MYH11: variants seen among roughly 807,000 people sequenced by gnomAD.
The protein encoded by MYH11 is myosin-11.
A neutral mutation model predicts 246.6 loss-of-function variants in MYH11; 80 were observed. That is an observed-to-expected ratio of 0.32 (90% CI 0.27 to 0.39). MYH11 has a LOEUF of 0.39. Ranked by LOEUF, MYH11 falls within the 10% of genes least tolerant of loss-of-function variation. The pLI is 1.00. For missense variants in MYH11, 2,158 were observed against 2,546.8 expected (o/e 0.85, Z 3.29); for synonymous variants, 1,071 against 1,015.5 (o/e 1.05, Z -1.04).
intron 33 of MYH11, 132 bp from the exon 34 acceptor site, chr16:15,720,444 C>T: frequency 1.6e-6 from 2 of 1,277,846 alleles, no homozygotes; most frequent in Non-Finnish European, 2.2e-6. Flanking sequence ...TCCCCAGTTG[C>T]AGATGAGAAA....
intron 20 of MYH11, among the ~76,000 whole-genome samples, chr16:15,743,699 CA>C (rs1344883973): frequency 8.5e-5 from 13 of 152,160 alleles, no homozygotes; most frequent in African/African-American, 2.9e-4. Flanking sequence ...GTTTACTCCC[CA>C]CCAATTCGGC....
chr16:15,737,466 C>T lies in MYH11; in HGVS notation c.3276G>A (p.Leu1092=), dbSNP rs756933550. The part of the protein sequence containing the change: ...KMQLAKKEEE[L]QAALARLDDE... ...CCCGCTACCTGGCCAGGGCCGCCTGCAGCTCCTCCTCCTTCTTGGCCAGCT... is the reference window on the plus strand; with the variant it reads ...CCCGCTACCTGGCCAGGGCCGCCTGTAGCTCCTCCTCCTTCTTGGCCAGCT... The change falls in exon 25 of 41, where the codon CTG becomes CTA. Residue 1092 remains leucine, a synonymous_variant. Transcript: ENST00000300036. The T allele has an allele frequency of 8.7e-6, 14 of 1,613,106 alleles. No individual in the cohort carries two copies. Among genetic ancestry groups the T allele is most frequent in the Admixed American group, 1.7e-5 (1 of 60,006 alleles).
At chr16:15,833,585 T>C (rs2043811943) in intron 2 of MYH11, among the ~76,000 whole-genome samples, 1 of 152,110 alleles carries the variant, frequency 6.6e-6, no homozygotes, top group Non-Finnish European at 1.5e-5. Flanking sequence ...AGAACCTGCA[T>C]CTCTAAGATT....
rs373635887 is a variant in MYH11 at position 15,737,720 on chromosome 16, A to T, written c.3122-100T>A. On this transcript the variant is annotated intron_variant, in intron 24 of 40. Coordinates refer to ENST00000300036, the MANE Select transcript of MYH11 (RefSeq NM_002474.3). ...CATTTTACCCGGAGGAGATGAACACATCCCCCAATCAGTAACCATCATAGT... is the reference window on the plus strand; with the variant it reads ...CATTTTACCCGGAGGAGATGAACACTTCCCCCAATCAGTAACCATCATAGT... The T allele has an allele frequency of 2.3e-5, 29 of 1,270,222 alleles. 1 individual carries two copies. The Admixed American group carries it at 2.5e-4, about 11-fold the overall frequency. The allele number at this position is 1,270,222 out of a possible 1,614,324, so 78.7% of individuals were successfully genotyped here. A position where few individuals can be genotyped will look rare whatever the true frequency, so the allele number is the denominator to read the frequency against.
At chr16:15,789,387 A>C (rs2151310640) in intron 4 of MYH11, among the ~76,000 whole-genome samples, 1 of 152,252 alleles carries the variant, frequency 6.6e-6, no homozygotes, top group Non-Finnish European at 1.5e-5. Context: ...CTAATGAGAG[A>C]GTTATTAATT....
rs1453204042 is a variant in MYH11 at position 15,777,094 on chromosome 16, C to CATGCAGACAT, written c.791-919_791-918insATGTCTGCAT. ...TTCTCATGGTGTACATGGGTATACA[C>CATGCAGACAT]ACGCACACATACACACACACACACA... On this transcript the variant is annotated intron_variant, in intron 7 of 40. Transcript: ENST00000300036. Among the ~76,000 whole-genome samples, 661 of 137,886 alleles carry CATGCAGACAT rather than the reference C, an allele frequency of 4.8e-3. 3 individuals carry two copies. Among genetic ancestry groups the CATGCAGACAT allele is most frequent in the African/African-American group, 0.018 (622 of 35,490 alleles). 90.5% of individuals were successfully genotyped at this position (137,886 alleles called of 152,430 possible).
chr16:15,755,192 G>T (rs1309172903), intron 14 of MYH11, among the ~76,000 whole-genome samples: 1 of 152,194 alleles, frequency 6.6e-6, no homozygotes, highest in Non-Finnish European at 1.5e-5. Flanking sequence ...GGAGTCAATA[G>T]AATACTACAA....
intron 15 of MYH11, among the ~76,000 whole-genome samples, chr16:15,752,796 T>C (rs1316743100): frequency 2.6e-5 from 4 of 152,186 alleles, no homozygotes; most frequent in African/African-American, 9.6e-5. Flanking sequence ...GGAAAATCAC[T>C]GGAACCCAGA....
intron 10 of MYH11, 55 bp downstream of exon 10, chr16:15,763,741 T>TCGGGCCCCCC: frequency 1.4e-5 from 9 of 646,838 alleles, no homozygotes; most frequent in African/African-American, 2.1e-5. Flanking sequence ...AAATGTCACC[T>TCGGGCCCCCC]CCCCCACCCC....
chr16:15,824,919 G>A (rs111797408), intron 2 of MYH11, among the ~76,000 whole-genome samples: 306 of 152,278 alleles, frequency 2.0e-3, no homozygotes, highest in African/African-American at 7.0e-3. Flanking sequence ...GAGGCATGGT[G>A]AGGTTGTCAC....
At chr16:15,760,763 T>C (rs1334409058) in intron 10 of MYH11, 105 bp from the exon 11 acceptor site, 5 of 867,330 alleles carry the variant, frequency 5.8e-6, no homozygotes, top group Non-Finnish European at 1.0e-5. Context: ...GCGGGTTCTC[T>C]TGGGGAAATG....
chr16:15,760,548 T>G lies in MYH11; in HGVS notation c.1240A>C (p.Lys414Gln). 6.2e-7 allele frequency: 1 copy of G among 1,608,572 alleles called. No homozygotes were observed. The highest frequency in any genetic ancestry group is 2.2e-5 in the East Asian group (1 of 44,848). Residue 414 changes from lysine (K) to glutamine (Q), a missense_variant, in exon 11 of 41, where the codon AAA becomes CAA. Lys to Gln is a moderately conservative substitution (Grantham distance 53, BLOSUM62 1). Transcript: ENST00000300036. Reference sequence around the variant, plus strand: ...GATAAGTACATCATTACCTGTTCTTTTGTCTGAGCTTTCTGTACCACATCT... The same window carrying G: ...GATAAGTACATCATTACCTGTTCTTGTGTCTGAGCTTTCTGTACCACATCT... ...GRDVVQKAQT[K>Q]EQADFAVEAL... is the part of the protein sequence containing the mutation.
intron 3 of MYH11, among the ~76,000 whole-genome samples, chr16:15,806,353 T>C (rs554939826): frequency 7.1e-6 from 1 of 140,116 alleles, no homozygotes; most frequent in Admixed American, 7.3e-5. Context: ...ATTCCATTTA[T>C]ATGAAATGTC....
chr16:15,841,327 G>A (rs1194606875), intron 1 of MYH11, among the ~76,000 whole-genome samples: 8 of 152,096 alleles, frequency 5.3e-5, no homozygotes, highest in Non-Finnish European at 1.0e-4. Flanking sequence ...TAGTAGAGAC[G>A]GGGCTTCGCC....
intron 35 of MYH11, 28 bp downstream of exon 35, chr16:15,719,557 A>C (rs2040354881): frequency 1.2e-6 from 2 of 1,613,318 alleles, no homozygotes; most frequent in Non-Finnish European, 8.5e-7. Context: ...CCCGCATCTG[A>C]GGCTCTCCTA....
chr16:15,715,118 C>T (rs201285650), intron 39 of MYH11, 37 bp from the exon 40 acceptor site: 7 of 1,519,618 alleles, frequency 4.6e-6, no homozygotes, highest in East Asian at 2.4e-5. Flanking sequence ...TAGGGGAGGC[C>T]GGCTGGGGGC....
At chr16:15,704,168 TG>T (rs1567668870) in intron 40 of MYH11, 45 bp from the exon 41 acceptor site, 2 of 1,610,344 alleles carry the variant, frequency 1.2e-6, no homozygotes, top group Non-Finnish European at 1.7e-6. Context: ...GAAATCTTCA[TG>T]GTTGGGATAG....
rs2039281076 is a variant in MYH11 at position 15,703,226 on chromosome 16, G to GCGTCTC, written c.*759_*764dup. ...ATTCCTGCTCCCCTCCGTGGGAGCA[G>GCGTCTC]CGTCTCCTTTTCAATTCATGTGACT... On this transcript the variant is annotated 3_prime_UTR_variant, in exon 41 of 41. Transcript: ENST00000300036. 1 of 212,136 alleles carries GCGTCTC rather than the reference G, an allele frequency of 4.7e-6. No individual in the cohort carries two copies. The highest frequency in any genetic ancestry group is 2.3e-5 in the African/African-American group (1 of 44,182). The allele number at this position is 212,136 out of a possible 1,614,324, so 13.1% of individuals were successfully genotyped here.
rs924672477 is a variant in MYH11, at chr16:15,826,157, C to T, written c.346-2746G>A. Among the ~76,000 whole-genome samples the T allele has an allele frequency of 3.9e-5, 6 of 151,958 alleles. 1 individual carries two copies. The highest frequency in any genetic ancestry group is 8.8e-5 in the Non-Finnish European group (6 of 68,004). ...CTGATCGTTCGTTCATTCATTCATT[C>T]ATTCATTCATTCATTCATTCATTCT... is the stretch of plus-strand genomic sequence containing the variant. On this transcript the variant is annotated intron_variant, in intron 2 of 40. Coordinates refer to ENST00000300036, the MANE Select transcript of MYH11 (RefSeq NM_002474.3).
Sources: gnomAD v4.1 joint callset for allele counts (sites outside exome capture counted in the v4.1 genomes callset) on GRCh38, gnomAD v4.1.1 for gene constraint, MANE v1.5 for transcripts, NCBI Gene and HGNC (gene_info 2026-07-23, HGNC 2026-07-21) for gene names.